Variants in TLR6 observed in about 807,000 individuals in gnomAD.
The protein encoded by TLR6 is toll-like receptor 6.
Under a neutral mutation model 16.1 loss-of-function variants are expected in TLR6, and 9 were observed. The observed-to-expected ratio is 0.56, with a 90% CI of 0.34 to 0.98. The LOEUF (loss-of-function observed/expected upper bound fraction) is 0.98, where lower values mean the gene tolerates loss of function less well. Among genes scored for constraint, TLR6 ranks in the 50% least tolerant of loss-of-function variants. The pLI, the probability that TLR6 is intolerant of heterozygous loss-of-function variation, is 0.02. For synonymous variants in TLR6, 340 were observed against 338.6 expected (o/e 1.00, Z -0.04); for missense variants, 786 against 921.0 (o/e 0.85, Z 1.90).
chr4:38,862,949 A>C, the TLR6 span, among the ~76,000 whole-genome samples: 6 of 150,874 alleles, frequency 4.0e-5, no homozygotes, highest in Admixed American at 6.6e-5. Flanking sequence ...AAAAAAAAAA[A>C]AAAAACTCCC....
intron 1 of TLR6, among the ~76,000 whole-genome samples, chr4:38,845,327 C>T: frequency 6.6e-6 from 1 of 152,168 alleles, no homozygotes; most frequent in Non-Finnish European, 1.5e-5. Flanking sequence ...CCAAAGATGT[C>T]TACTTCTAAT....
In TLR6 at chr4:38,855,068, C is replaced by T. The variant is rs951937773; in HGVS notation, c.-65+1693G>A. ...TAAAAAAAAATACAAAAAAATTAGC[C>T]GGGCGTGGTGGCGGGCGCCTGTAGT... On this transcript the variant is annotated intron_variant, in intron 1 of 1. Coordinates refer to ENST00000436693, the Ensembl canonical transcript of TLR6. 3.9e-5 allele frequency among the ~76,000 whole-genome samples: 6 copies of T among 152,022 alleles called. No individual in the cohort carries two copies. In the East Asian group the frequency reaches 7.7e-4, roughly 20 times the overall value.
chr4:38,844,326 G>A (rs1443177535), intron 1 of TLR6, among the ~76,000 whole-genome samples: 1 of 152,188 alleles, frequency 6.6e-6, no homozygotes, highest in Non-Finnish European at 1.5e-5. Flanking sequence ...AACGATAGGA[G>A]AAGCTACTAC....
At chr4:38,858,453 C>G (rs1377718168), upstream of TLR6, among the ~76,000 whole-genome samples, 1 of 152,148 alleles carries the variant, frequency 6.6e-6, no homozygotes, top group African/African-American at 2.4e-5. Flanking sequence ...GGCACGATGT[C>G]TCATGCCTGT....
chr4:38,845,170 A>G lies in TLR6; in HGVS notation c.-65+11591T>C, dbSNP rs531988741. Among the ~76,000 whole-genome samples, 6 of 152,382 alleles carry G rather than the reference A, an allele frequency of 3.9e-5. No homozygotes were observed. The South Asian group carries it at 1.0e-3, about 26-fold the overall frequency. ...AATATTTTGAAAAATATTAAGTTAT[A>G]TCTCTATCTATCTATTAAAGTTTTA... On this transcript the variant is annotated intron_variant, in intron 1 of 1. Coordinates refer to ENST00000436693, the Ensembl canonical transcript of TLR6.
chr4:38,852,199 C>T (rs1303888740), intron 1 of TLR6, among the ~76,000 whole-genome samples: 1 of 152,174 alleles, frequency 6.6e-6, no homozygotes, highest in Non-Finnish European at 1.5e-5. Flanking sequence ...GAAACTGGAT[C>T]CCTTCCTTAC....
At chr4:38,859,330 C>T (rs1713144255), upstream of TLR6, among the ~76,000 whole-genome samples, 1 of 152,168 alleles carries the variant, frequency 6.6e-6, no homozygotes, top group African/African-American at 2.4e-5. Context: ...CTGGAGAGAG[C>T]ATCACCCTAT....
intron 1 of TLR6, among the ~76,000 whole-genome samples, chr4:38,842,806 G>A (rs1355126252): frequency 7.9e-5 from 12 of 151,734 alleles, no homozygotes; most frequent in Admixed American, 7.2e-4. Flanking sequence ...CATGAATTTC[G>A]AAGAGACACA....
the TLR6 span, among the ~76,000 whole-genome samples, chr4:38,866,811 A>C: frequency 6.6e-6 from 1 of 152,178 alleles, no homozygotes; most frequent in East Asian, 1.9e-4. Context: ...CACACACTAT[A>C]AAAAATGGTA....
chr4:38,843,948 C>T (rs574022758), intron 1 of TLR6, among the ~76,000 whole-genome samples: 136 of 152,356 alleles, frequency 8.9e-4, no homozygotes, highest in African/African-American at 3.2e-3. Context: ...AATTTGTCCT[C>T]TCTCTGTCTC....
At chr4:38,827,100 T>C (rs1299066330) in exon 2 of TLR6, 1 of 1,584,460 alleles carries the variant, frequency 6.3e-7, no homozygotes, top group Non-Finnish European at 8.6e-7. Context: ...TTCACATCAT[T>C]GTTTTCAGTG....
chr4:38,834,464 A>C (rs920742111), intron 1 of TLR6, among the ~76,000 whole-genome samples: 10 of 152,014 alleles, frequency 6.6e-5, no homozygotes, highest in African/African-American at 2.4e-4. Flanking sequence ...AAAGGGATAG[A>C]AAACATGTTT....
chr4:38,829,223 G>A, exon 2 of TLR6: 1 of 1,614,154 alleles, frequency 6.2e-7, no homozygotes, highest in Non-Finnish European at 8.5e-7. Context: ...TCTGTTATGG[G>A]AAAGTCTCAA....
At chr4:38,848,789 A>T (rs761578597) in intron 1 of TLR6, among the ~76,000 whole-genome samples, 8 of 152,248 alleles carry the variant, frequency 5.3e-5, no homozygotes, top group African/African-American at 7.2e-5. Context: ...TGAAAAGGCC[A>T]AATCTATGTC....
At chr4:38,858,758 G>GGA (rs143473786), upstream of TLR6, among the ~76,000 whole-genome samples, 7 of 52,764 alleles carry the variant, frequency 1.3e-4, no homozygotes, top group East Asian at 1.3e-3. Context: ...AGAGAGAGAG[G>GGA]GAGAGAGAGA....
chr4:38,825,988 A>G (rs973375937), exon 2 of TLR6: 11 of 139,160 alleles, frequency 7.9e-5, no homozygotes, highest in Admixed American at 7.1e-4. Context: ...ACTATTTACC[A>G]GTCTCTGTGT....
chr4:38,863,581 C>T, the TLR6 span, among the ~76,000 whole-genome samples: 4 of 152,228 alleles, frequency 2.6e-5, no homozygotes, highest in African/African-American at 9.6e-5. Context: ...TTCTACTCTT[C>T]CAGTAGTGCA....
At chr4:38,827,463 T>A (rs371193343) in exon 2 of TLR6, 31 of 1,614,080 alleles carry the variant, frequency 1.9e-5, no homozygotes, top group African/African-American at 4.0e-5. Flanking sequence ...TGAAGACAAA[T>A]CTGTATATCT....
upstream of TLR6, among the ~76,000 whole-genome samples, chr4:38,859,369 C>T (rs941923881): frequency 6.6e-6 from 1 of 152,090 alleles, no homozygotes; most frequent in Non-Finnish European, 1.5e-5. Flanking sequence ...CTTCTAGCCT[C>T]CAGAACTCTG....
Sources: allele counts gnomAD v4.1 joint callset (sites outside exome capture counted in the v4.1 genomes callset), GRCh38; gene constraint gnomAD v4.1.1; transcripts MANE v1.5; gene names NCBI Gene and HGNC (gene_info 2026-07-23, HGNC 2026-07-21).